PPP1CB: variants seen among roughly 807,000 people sequenced by gnomAD.
The protein encoded by PPP1CB is serine/threonine-protein phosphatase PP1-beta catalytic subunit.
In PPP1CB, 2 loss-of-function variants were observed where a neutral mutation model predicts 43.7. That is an observed-to-expected ratio of 0.05 (90% CI 0.02 to 0.14). The LOEUF is 0.14. Among genes scored for constraint, PPP1CB ranks in the 10% least tolerant of loss-of-function variants. The pLI, the probability that PPP1CB is intolerant of heterozygous loss-of-function variation, is 1.00. For missense variants in PPP1CB, 84 were observed against 398.0 expected, an observed-to-expected ratio of 0.21 and a Z score of 6.71; for synonymous variants, 136 against 135.6, an observed-to-expected ratio of 1.00 and a Z score of -0.02.
intron 1 of PPP1CB, among the ~76,000 whole-genome samples, chr2:28,759,520 C>CAAAAAA (rs559532367): frequency 9.9e-6 from 1 of 100,840 alleles, no homozygotes; most frequent in African/African-American, 3.6e-5. Flanking sequence ...ACTGCATCTC[C>CAAAAAA]AAAAAAAAAA....
At chr2:28,752,994 G>A (rs1008620710) in intron 1 of PPP1CB, among the ~76,000 whole-genome samples, 1 of 152,226 alleles carries the variant, frequency 6.6e-6, no homozygotes, top group East Asian at 1.9e-4. Flanking sequence ...CCGGGCTCAA[G>A]TGTTCTTATT....
chr2:28,752,085 C>G lies in PPP1CB; in HGVS notation c.-40C>G, dbSNP rs989267993. On this transcript the variant is annotated 5_prime_UTR_variant, in exon 1 of 8. Transcript: ENST00000395366. ...CCGCAGCCTCCGCCGCCGAGAAGCC[C>G]TTGTTCCCGCTGCTGGGAAGGAGAG... is the stretch of plus-strand genomic sequence containing the variant. 4.5e-6 allele frequency: 7 copies of G among 1,548,102 alleles called. No homozygotes were observed. In the African/African-American group the frequency reaches 6.9e-5, roughly 15 times the overall value.
At chr2:28,793,383 G>A (rs190808289) in intron 6 of PPP1CB, among the ~76,000 whole-genome samples, 51 of 129,092 alleles carry the variant, frequency 4.0e-4, no homozygotes, top group African/African-American at 1.3e-3. Flanking sequence ...TAAGCTCTTC[G>A]CAAAGTCGTT....
chr2:28,792,128 G>A (rs1309410062), intron 6 of PPP1CB, among the ~76,000 whole-genome samples: 1 of 151,956 alleles, frequency 6.6e-6, no homozygotes, highest in African/African-American at 2.4e-5. Context: ...ATCACCTGAG[G>A]TCAGGAGTTC....
At chr2:28,793,725 A>G (rs578033831) in intron 6 of PPP1CB, 138 bp from the exon 7 acceptor site, 2 of 854,640 alleles carry the variant, frequency 2.3e-6, no homozygotes, top group East Asian at 2.7e-5. Flanking sequence ...AAGAATAAAA[A>G]TCACAACTTC....
chr2:28,770,097 T>C (rs999115026), intron 1 of PPP1CB, among the ~76,000 whole-genome samples: 9 of 151,946 alleles, frequency 5.9e-5, no homozygotes, highest in African/African-American at 2.2e-4. Flanking sequence ...GGTGAAACCC[T>C]ATCTCTACTA....
intron 7 of PPP1CB, among the ~76,000 whole-genome samples, chr2:28,794,245 A>G (rs1667448458): frequency 6.6e-6 from 1 of 152,314 alleles, no homozygotes; most frequent in East Asian, 1.9e-4. Context: ...CAGATGTTTT[A>G]ATTGTTAAAA....
chr2:28,765,273 G>C (rs1666754286), intron 1 of PPP1CB, among the ~76,000 whole-genome samples: 1 of 152,162 alleles, frequency 6.6e-6, no homozygotes, highest in Admixed American at 6.5e-5. Context: ...ATTGCAAGTG[G>C]TCATCTCTTG....
intron 1 of PPP1CB, among the ~76,000 whole-genome samples, chr2:28,760,002 G>T (rs1038692704): frequency 6.6e-6 from 1 of 152,060 alleles, no homozygotes; most frequent in Non-Finnish European, 1.5e-5. Flanking sequence ...AAAAAGCTTC[G>T]TTATCCTGGG....
At chr2:28,775,167 G>A (rs774928081) in intron 1 of PPP1CB, among the ~76,000 whole-genome samples, 3 of 152,040 alleles carry the variant, frequency 2.0e-5, no homozygotes, top group African/African-American at 4.8e-5. Flanking sequence ...GCAGTGGCAC[G>A]ATCTCAGCTC....
At chr2:28,772,896 A>G (rs983369656) in intron 1 of PPP1CB, among the ~76,000 whole-genome samples, 3 of 152,228 alleles carry the variant, frequency 2.0e-5, no homozygotes, top group African/African-American at 7.2e-5. Flanking sequence ...TGTATTTCAA[A>G]TGACTGTTAA....
At chr2:28,783,682 G>A (rs1266316788) in intron 4 of PPP1CB, among the ~76,000 whole-genome samples, 1 of 151,844 alleles carries the variant, frequency 6.6e-6, no homozygotes, top group Non-Finnish European at 1.5e-5. Context: ...GCTCGAACCC[G>A]GGAGGTGGAG....
chr2:28,794,727 A>G (rs1400395417), intron 7 of PPP1CB, among the ~76,000 whole-genome samples: 1 of 152,134 alleles, frequency 6.6e-6, no homozygotes, highest in Admixed American at 6.6e-5. Context: ...AAAAACTTTC[A>G]AAATAATACT....
At chr2:28,795,970 G>T (rs1478802747) in intron 7 of PPP1CB, among the ~76,000 whole-genome samples, 1 of 152,056 alleles carries the variant, frequency 6.6e-6, no homozygotes, top group Admixed American at 6.6e-5. Context: ...TAATTTTTGT[G>T]TATGGTGAAA....
intron 5 of PPP1CB, among the ~76,000 whole-genome samples, chr2:28,785,065 C>CCT: frequency 1.8e-5 from 1 of 54,996 alleles, no homozygotes; most frequent in East Asian, 3.7e-4. Context: ...GTGTTAGGAG[C>CCT]TTTTTTTTTT....
At chr2:28,752,566 G>A (rs1042220334) in intron 1 of PPP1CB, among the ~76,000 whole-genome samples, 4 of 152,204 alleles carry the variant, frequency 2.6e-5, no homozygotes, top group Non-Finnish European at 4.4e-5. Context: ...GTGCGTCCGT[G>A]GAATCACTGT....
At chr2:28,753,682 G>A (rs985997518) in intron 1 of PPP1CB, among the ~76,000 whole-genome samples, 5 of 152,132 alleles carry the variant, frequency 3.3e-5, no homozygotes, top group African/African-American at 1.2e-4. Flanking sequence ...ATTTAAAAAT[G>A]TGTATGTCTT....
intron 2 of PPP1CB, among the ~76,000 whole-genome samples, chr2:28,778,175 CT>C (rs1204201667): frequency 6.6e-6 from 1 of 152,108 alleles, no homozygotes; most frequent in Non-Finnish European, 1.5e-5. Context: ...GTTATTTGTA[CT>C]ACATATTTCT....
chr2:28,801,794 G>A lies in PPP1CB; in HGVS notation c.*2491G>A, dbSNP rs1667623508. The A allele has an allele frequency of 6.6e-6, 1 of 151,984 alleles. No individual in the cohort carries two copies. The highest frequency in any genetic ancestry group is 1.5e-5 in the Non-Finnish European group (1 of 67,990). 9.4% of individuals were successfully genotyped at this position (151,984 alleles called of 1,614,324 possible). On this transcript the variant is annotated 3_prime_UTR_variant, in exon 8 of 8. Coordinates refer to ENST00000395366, the MANE Select transcript of PPP1CB (RefSeq NM_002709.3). ...AAACACAGTAGATATCTGTTATAAT[G>A]TGGTGTATCACATGGATTATAAAGC...
Sources: allele counts gnomAD v4.1 joint callset (sites outside exome capture counted in the v4.1 genomes callset), GRCh38; gene constraint gnomAD v4.1.1; transcripts MANE v1.5; gene names NCBI Gene and HGNC (gene_info 2026-07-23, HGNC 2026-07-21).